Variants in PTPRN2 observed in about 807,000 individuals in gnomAD.
PTPRN2 encodes receptor-type tyrosine-protein phosphatase N2.
In PTPRN2, 74 loss-of-function variants were observed where a neutral mutation model predicts 118.8. The observed-to-expected ratio is 0.62, with a 90% CI of 0.52 to 0.76. The LOEUF is 0.76. Among genes scored for constraint, PTPRN2 ranks in the 30% least tolerant of loss-of-function variants. The probability of loss-of-function intolerance (pLI) is 0.00; values close to 1 mark genes in which losing one functional copy is unlikely to be tolerated. For synonymous variants in PTPRN2, 641 were observed against 608.0 expected, an observed-to-expected ratio of 1.05 and a Z score of -0.80; for missense variants, 1,481 against 1,394.4, an observed-to-expected ratio of 1.06 and a Z score of -0.99.
chr7:157,793,524 G>T (rs927709852), intron 12 of PTPRN2, among the ~76,000 whole-genome samples: 2 of 152,198 alleles, frequency 1.3e-5, no homozygotes, highest in Non-Finnish European at 2.9e-5. Flanking sequence ...GTGGGGGCAA[G>T]GGCGGGGCGT....
chr7:158,288,793 T>C (rs1799926346), intron 3 of PTPRN2, among the ~76,000 whole-genome samples: 1 of 152,236 alleles, frequency 6.6e-6, no homozygotes, highest in Non-Finnish European at 1.5e-5. Context: ...TATGTTTTCA[T>C]GTTGCTAGTT....
At chr7:158,151,038 C>T (rs1340691358) in intron 6 of PTPRN2, among the ~76,000 whole-genome samples, 8 of 149,724 alleles carry the variant, frequency 5.3e-5, no homozygotes, top group Non-Finnish European at 5.9e-5. Flanking sequence ...TGTCACTGTC[C>T]TGCCCCTGCC....
chr7:158,514,422 T>C (rs1021415352), intron 1 of PTPRN2, among the ~76,000 whole-genome samples: 2 of 152,154 alleles, frequency 1.3e-5, no homozygotes, highest in Non-Finnish European at 2.9e-5. Context: ...TGAACAAGCA[T>C]GGGCCTGGCA....
intron 9 of PTPRN2, among the ~76,000 whole-genome samples, chr7:158,126,796 CA>C: frequency 6.6e-6 from 1 of 152,330 alleles, no homozygotes; most frequent in South Asian, 2.1e-4. Flanking sequence ...GGGGAACCTG[CA>C]GGGCCAGGGC....
chr7:158,068,737 G>T (rs1810981157), intron 11 of PTPRN2, among the ~76,000 whole-genome samples: 1 of 152,280 alleles, frequency 6.6e-6, no homozygotes, highest in South Asian at 2.1e-4. Context: ...TCGGTCAAGG[G>T]CTGTGAAGCT....
At chr7:157,752,363 G>A (rs529734457) in intron 12 of PTPRN2, among the ~76,000 whole-genome samples, 157 of 152,348 alleles carry the variant, frequency 1.0e-3, no homozygotes, top group African/African-American at 3.6e-3. Flanking sequence ...GAGAGCCCCA[G>A]AGGGGGCAGG....
chr7:158,392,489 G>A (rs1012380045), intron 2 of PTPRN2, among the ~76,000 whole-genome samples: 1 of 152,204 alleles, frequency 6.6e-6, no homozygotes, highest in Non-Finnish European at 1.5e-5. Flanking sequence ...GGCCTCACAG[G>A]ACAGCTGCTT....
chr7:157,820,499 T>TCCC (rs4019456), intron 12 of PTPRN2, among the ~76,000 whole-genome samples: 19,108 of 141,366 alleles, frequency 0.14, 2,188 homozygotes, highest in African/African-American at 0.31. Context: ...TCACAGCAGA[T>TCCC]CCAACACACG....
chr7:158,053,838 CCCAGAGACGCAGAGA>C (rs1563365951), intron 11 of PTPRN2, among the ~76,000 whole-genome samples: 9 of 141,988 alleles, frequency 6.3e-5, no homozygotes, highest in African/African-American at 2.1e-4. Flanking sequence ...ATGCAGAGAC[CCCAGAGACGCAGAGA>C]CTCCAGAGAC....
chr7:158,208,775 G>T (rs1443425230), intron 3 of PTPRN2, among the ~76,000 whole-genome samples: 6 of 152,078 alleles, frequency 3.9e-5, no homozygotes, highest in Non-Finnish European at 8.8e-5. Context: ...CTGTAATTGT[G>T]GTGTGTAAAC....
chr7:157,571,640 A>G (rs1799763532), intron 19 of PTPRN2, 147 bp from the exon 20 acceptor site: 1 of 603,276 alleles, frequency 1.7e-6, no homozygotes, highest in Non-Finnish European at 2.9e-6. Flanking sequence ...AATCATACGC[A>G]TAATATCAAA....
intron 14 of PTPRN2, among the ~76,000 whole-genome samples, chr7:157,639,306 G>A (rs1804528453): frequency 6.6e-6 from 1 of 152,154 alleles, no homozygotes; most frequent in Non-Finnish European, 1.5e-5. Context: ...AAAGTGTTGG[G>A]GTTACAGGTG....
At chr7:158,150,475 C>T (rs1355909559) in intron 6 of PTPRN2, among the ~76,000 whole-genome samples, 1 of 152,196 alleles carries the variant, frequency 6.6e-6, no homozygotes, top group African/African-American at 2.4e-5. Context: ...GCGGATGTTC[C>T]TGTGTCCCCT....
rs150505821 is a variant in PTPRN2 at position 158,169,957 on chromosome 7, G to T, written c.550-2666C>A. 3.3e-3 allele frequency among the ~76,000 whole-genome samples: 499 copies of T among 152,246 alleles called. 2 individuals are homozygous for T. The highest frequency in any genetic ancestry group is 0.012 in the African/African-American group (485 of 41,536). On this transcript the variant is annotated intron_variant, in intron 5 of 22. Transcript: ENST00000389418. The stretch of plus-strand genomic sequence containing the variant: ...TGGGCCTGCCTTAGCCTCCCAAAGT[G>T]CTGGGATTACAGTCATGAGCCACTG...
chr7:158,440,665 A>ACGG (rs1816936130), intron 2 of PTPRN2, among the ~76,000 whole-genome samples: 1 of 147,596 alleles, frequency 6.8e-6, no homozygotes, highest in Non-Finnish European at 1.5e-5. Context: ...GGTGGTAGTG[A>ACGG]TAGTGACAGG....
At chr7:158,214,779 C>T (rs1321989086) in intron 3 of PTPRN2, among the ~76,000 whole-genome samples, 1 of 152,042 alleles carries the variant, frequency 6.6e-6, no homozygotes. Flanking sequence ...GTAAAAAGAC[C>T]CCACCTTCAG....
intron 2 of PTPRN2, among the ~76,000 whole-genome samples, chr7:158,396,658 C>T (rs531332810): frequency 2.0e-5 from 3 of 149,942 alleles, no homozygotes; most frequent in African/African-American, 4.9e-5. Context: ...ACAGGGTAGG[C>T]TTGTGTGTGC....
chr7:157,636,388 G>T (rs1281015776), intron 14 of PTPRN2, among the ~76,000 whole-genome samples: 1 of 152,026 alleles, frequency 6.6e-6, no homozygotes, highest in East Asian at 1.9e-4. Context: ...TCTTCTTCTT[G>T]TAATTTTGGT....
At chr7:157,646,248 G>A (rs1805063606) in intron 14 of PTPRN2, among the ~76,000 whole-genome samples, 1 of 152,196 alleles carries the variant, frequency 6.6e-6, no homozygotes, top group African/African-American at 2.4e-5. Flanking sequence ...GGGTCACAGG[G>A]TGGTTTCTCA....
Sources: gnomAD v4.1 joint callset for allele counts (sites outside exome capture counted in the v4.1 genomes callset) on GRCh38, gnomAD v4.1.1 for gene constraint, MANE v1.5 for transcripts, NCBI Gene and HGNC (gene_info 2026-07-23, HGNC 2026-07-21) for gene names.